CFAP61: variants seen among roughly 807,000 people sequenced by gnomAD.
CFAP61 encodes cilia and flagella associated protein 61.
In CFAP61, 107 loss-of-function variants were observed where a neutral mutation model predicts 135.6. The ratio of observed to expected loss-of-function variants is 0.79; its 90% confidence interval spans 0.67 to 0.93. The LOEUF (loss-of-function observed/expected upper bound fraction) is 0.93. Ranked by LOEUF, CFAP61 falls within the 40% of genes least tolerant of loss-of-function variation. The pLI, the probability that CFAP61 is intolerant of heterozygous loss-of-function variation, is 0.00. For missense variants in CFAP61, 1,507 were observed against 1,556.2 expected (o/e 0.97, Z 0.53); for synonymous variants, 575 against 578.5 (o/e 0.99, Z 0.09).
chr20:20,177,465 A>T (rs928149348), intron 13 of CFAP61, among the ~76,000 whole-genome samples: 1 of 151,626 alleles, frequency 6.6e-6, no homozygotes, highest in Non-Finnish European at 1.5e-5. Context: ...CCTGAAATTG[A>T]CGTCGATCAC....
In CFAP61 at chr20:20,091,003, C is replaced by T. The variant is rs372775850; in HGVS notation, c.699+27C>T. ...TCAGTGACTGATTCATGTGGGAACA[C>T]ACTTAGTGAGAGGAAGGAGGGATGT... On this transcript the variant is annotated intron_variant, in intron 7 of 26. Transcript: ENST00000245957. The T allele has an allele frequency of 1.9e-6, 3 of 1,611,698 alleles. No homozygotes were observed. The African/African-American group carries it at 4.0e-5, about 22-fold the overall frequency.
rs2047161596 is a variant in CFAP61 at position 20,091,038 on chromosome 20, T to A, written c.699+62T>A. 20 of 1,580,582 alleles carry A rather than the reference T, an allele frequency of 1.3e-5. No individual in the cohort carries two copies. In the South Asian group the frequency reaches 1.9e-4, roughly 15 times the overall value. Reference sequence around the variant, plus strand: ...GAGGAAGGAGGGATGTGAGTGGTGTTGCTCTTGCGTTGCTGGGCACCCCTG... The same window carrying A: ...GAGGAAGGAGGGATGTGAGTGGTGTAGCTCTTGCGTTGCTGGGCACCCCTG... On this transcript the variant is annotated intron_variant, in intron 7 of 26. Transcript: ENST00000245957.
intron 8 of CFAP61, 147 bp from the exon 9 acceptor site, chr20:20,142,710 C>T: frequency 1.7e-6 from 1 of 592,386 alleles, no homozygotes; most frequent in South Asian, 2.2e-5. Flanking sequence ...GAGACCTGCT[C>T]TTCCCACCTC....
intron 25 of CFAP61, among the ~76,000 whole-genome samples, chr20:20,305,121 C>T (rs1291262259): frequency 6.6e-6 from 1 of 152,230 alleles, no homozygotes. Flanking sequence ...CGCGCCACCA[C>T]CGCCTCCACA....
chr20:20,141,764 T>C (rs751059387), intron 8 of CFAP61, among the ~76,000 whole-genome samples: 2 of 152,164 alleles, frequency 1.3e-5, no homozygotes, highest in Non-Finnish European at 2.9e-5. Context: ...AAGAATACCA[T>C]GGGAGAGGAG....
intron 24 of CFAP61, among the ~76,000 whole-genome samples, chr20:20,296,724 G>T (rs537157140): frequency 1.2e-4 from 18 of 152,284 alleles, no homozygotes; most frequent in Admixed American, 1.0e-3. Context: ...TTAACATTTT[G>T]TGAAAATGTT....
Position 20,360,228 on chromosome 20 carries a change from A to G in CFAP61, c.3532A>G (p.Ile1178Val), listed in dbSNP as rs75487354. ...TTTACAGGAGGAAGATCTTCCTTCCATAGAGCAGTTAGCCCATCAAATAGA... is the reference window on the plus strand; with the variant it reads ...TTTACAGGAGGAAGATCTTCCTTCCGTAGAGCAGTTAGCCCATCAAATAGA... The part of the protein sequence containing the change: ...ASKEEEDLPS[I>V]EQLAHQIEDE... The change falls in exon 27 of 27, where the codon ATA becomes GTA. Residue 1178 changes from isoleucine to valine, a missense_variant. Ile to Val is a conservative substitution (Grantham distance 29, BLOSUM62 3). Coordinates refer to ENST00000245957, the MANE Select transcript of CFAP61 (RefSeq NM_015585.4). The G allele has an allele frequency of 2.6e-3, 4,178 of 1,613,778 alleles. 108 individuals are homozygous for G. The African/African-American group carries it at 0.05, about 19-fold the overall frequency.
intron 13 of CFAP61, among the ~76,000 whole-genome samples, chr20:20,175,863 T>C (rs1342423747): frequency 6.6e-6 from 1 of 152,072 alleles, no homozygotes; most frequent in Non-Finnish European, 1.5e-5. Context: ...GTACGTCATC[T>C]GGTAGAAAAT....
intron 8 of CFAP61, among the ~76,000 whole-genome samples, chr20:20,110,173 T>C (rs2146667359): frequency 6.6e-6 from 1 of 152,126 alleles, no homozygotes; most frequent in East Asian, 1.9e-4. Context: ...TTCCTTGTTT[T>C]AAAATAAAAG....
intron 9 of CFAP61, 49 bp from the exon 10 acceptor site, chr20:20,159,320 AC>A (rs2146797194): frequency 6.3e-7 from 1 of 1,576,404 alleles, no homozygotes; most frequent in Non-Finnish European, 8.7e-7. Context: ...TGGACTCTAA[AC>A]CACTGTAGGT....
At chr20:20,294,051 A>G (rs1306015961) in intron 24 of CFAP61, among the ~76,000 whole-genome samples, 3 of 152,248 alleles carry the variant, frequency 2.0e-5, no homozygotes, top group African/African-American at 7.2e-5. Flanking sequence ...CAGTGACTCC[A>G]TCAAAATCTT....
chr20:20,095,783 G>C (rs1473731274), intron 7 of CFAP61: 1 of 152,318 alleles, frequency 6.6e-6, no homozygotes, highest in Non-Finnish European at 1.5e-5. Context: ...GCATCAGGAG[G>C]AGAGGATCAG....
Position 20,288,682 on chromosome 20 carries a change from A to T in CFAP61, c.2870A>T (p.Tyr957Phe), listed in dbSNP as rs200499872. 1.9e-6 allele frequency: 3 copies of T among 1,614,146 alleles called. No homozygotes were observed. The highest frequency in any genetic ancestry group is 1.3e-5 in the African/African-American group (1 of 75,066). The change falls in exon 23 of 27, where the codon TAT (tyrosine) becomes TTT (phenylalanine). Residue 957 changes from tyrosine to phenylalanine, a missense_variant. By Grantham distance (22) the Tyr-to-Phe change is conservative. Coordinates refer to ENST00000245957, the MANE Select transcript of CFAP61 (RefSeq NM_015585.4). ...GCCCTCAATGATGCATGTCTTGTGT[A>T]TGACAGTCGACTTGTGATTGATACC... is the stretch of plus-strand genomic sequence containing the variant. ...FKALNDACLV[Y>F]DSRLVIDTNF... is the part of the protein sequence containing the mutation.
chr20:20,335,396 A>G (rs1354246285), intron 25 of CFAP61, among the ~76,000 whole-genome samples: 2 of 152,256 alleles, frequency 1.3e-5, no homozygotes, highest in African/African-American at 4.8e-5. Context: ...ATTCTGATTT[A>G]TAAGGAAGTA....
chr20:20,329,611 A>C (rs2122297796), intron 25 of CFAP61, among the ~76,000 whole-genome samples: 1 of 152,242 alleles, frequency 6.6e-6, no homozygotes, highest in Admixed American at 6.5e-5. Flanking sequence ...CACTTGTTTA[A>C]AGCCTTCCCA....
rs560943938 is a variant in CFAP61 at position 20,298,470 on chromosome 20, C to A, written c.3422+84C>A. ...AATGAGGGACATGTGTTGTGATGCA[C>A]CCGAGAGCAAAACGGGAATCCCAGA... On this transcript the variant is annotated intron_variant, in intron 25 of 26. Coordinates refer to ENST00000245957, the MANE Select transcript of CFAP61 (RefSeq NM_015585.4). 18 of 1,179,578 alleles carry A rather than the reference C, an allele frequency of 1.5e-5. No individual in the cohort carries two copies. The African/African-American group carries it at 2.1e-4, about 14-fold the overall frequency. 73.1% of individuals were successfully genotyped at this position (1,179,578 alleles called of 1,614,324 possible). A position where few individuals can be genotyped will look rare whatever the true frequency, so the allele number is the denominator to read the frequency against.
At chr20:20,332,915 C>T (rs1226068844) in intron 25 of CFAP61, among the ~76,000 whole-genome samples, 1 of 152,184 alleles carries the variant, frequency 6.6e-6, no homozygotes, top group African/African-American at 2.4e-5. Flanking sequence ...ATGTACCTGG[C>T]CCATTTCCAC....
At chr20:20,078,568 T>G (rs1466609102) in intron 6 of CFAP61, among the ~76,000 whole-genome samples, 2 of 152,144 alleles carry the variant, frequency 1.3e-5, no homozygotes, top group Non-Finnish European at 2.9e-5. Flanking sequence ...TACACATTTG[T>G]GAGTTGTCAG....
intron 13 of CFAP61, among the ~76,000 whole-genome samples, chr20:20,187,687 CTG>C (rs989265372): frequency 2.0e-5 from 3 of 152,082 alleles, no homozygotes; most frequent in African/African-American, 7.2e-5. Flanking sequence ...TAAAGTATCT[CTG>C]TGTTGTCTTT....
Sources: allele counts gnomAD v4.1 joint callset (sites outside exome capture counted in the v4.1 genomes callset), GRCh38; gene constraint gnomAD v4.1.1; transcripts MANE v1.5; gene names NCBI Gene and HGNC (gene_info 2026-07-23, HGNC 2026-07-21).